The following MAPK8IP1 variants were observed in gnomAD, a reference collection of about 807,000 sequenced individuals.
The protein encoded by MAPK8IP1 is C-Jun-amino-terminal kinase-interacting protein 1.
MAPK8IP1 carries 17 observed loss-of-function variants against 72.6 expected under a neutral mutation model. The observed-to-expected ratio is 0.23, with a 90% confidence interval of 0.16 to 0.35. The LOEUF (loss-of-function observed/expected upper bound fraction) is 0.35. MAPK8IP1 is among the 10% of genes least tolerant of loss of function. The pLI, the probability that MAPK8IP1 is intolerant of heterozygous loss-of-function variation, is 1.00. For synonymous variants in MAPK8IP1, 401 were observed against 443.4 expected (o/e 0.90, Z 1.20); for missense variants, 789 against 1,009.7 (o/e 0.78, Z 2.96).
intron 1 of MAPK8IP1, among the ~76,000 whole-genome samples, chr11:45,893,983 C>T (rs1313241080): frequency 6.6e-6 from 1 of 152,124 alleles, no homozygotes; most frequent in Non-Finnish European, 1.5e-5. Context: ...GTGACTTGCA[C>T]AGGGTACTCT....
intron 1 of MAPK8IP1, among the ~76,000 whole-genome samples, chr11:45,894,505 G>C (rs2086589102): frequency 6.6e-6 from 1 of 152,088 alleles, no homozygotes; most frequent in African/African-American, 2.4e-5. Flanking sequence ...GAAGAATGCT[G>C]CTGTCCTTGC....
In MAPK8IP1 at chr11:45,900,459, C is replaced by T. The variant is rs2134674351; in HGVS notation, c.522+7C>T. On this transcript the variant is annotated splice_region_variant and intron_variant, in intron 3 of 11. Coordinates refer to ENST00000241014, the MANE Select transcript of MAPK8IP1 (RefSeq NM_005456.4). The surrounding 1 kb of genome is among the most constrained non-coding windows in gnomAD (Gnocchi z 6.5). ...GCAGGTGCCGCGGTCTCAGGTGAGG[C>T]GCCAACGTGGGGGGCGGCGCCCTGG... is the stretch of plus-strand genomic sequence containing the variant. 3.3e-6 allele frequency: 5 copies of T among 1,531,304 alleles called. No individual in the cohort carries two copies. The South Asian group carries it at 6.0e-5, about 18-fold the overall frequency. 94.9% of individuals were successfully genotyped at this position (1,531,304 alleles called of 1,614,324 possible).
In MAPK8IP1 at chr11:45,904,407, C is replaced by T. The variant is rs1341562889; in HGVS notation, c.1667-48C>T. ...CACCCTCCTTCACTTGGCTGCTCAG[C>T]TCCCTCCTGCTCTTTCTGCCCCTCC... On this transcript the variant is annotated intron_variant, in intron 7 of 11. Coordinates refer to ENST00000241014, the MANE Select transcript of MAPK8IP1 (RefSeq NM_005456.4). This position sits in a 1 kb window ranked among gnomAD's most constrained non-coding sequence, Gnocchi z 6.4. 6.7e-7 allele frequency: 1 copy of T among 1,502,578 alleles called. No individual in the cohort carries two copies. Among genetic ancestry groups the T allele is most frequent in the South Asian group, 1.1e-5 (1 of 87,842 alleles). 93.1% of individuals were successfully genotyped at this position (1,502,578 alleles called of 1,614,324 possible).
At chr11:45,896,712 T>C in intron 1 of MAPK8IP1, 1 of 1,438,016 alleles carries the variant, frequency 7.0e-7, no homozygotes, top group South Asian at 1.5e-5. Context: ...CCTGTCTATT[T>C]TTAATGAGCT....
chr11:45,886,060 C>A, intron 1 of MAPK8IP1, 139 bp downstream of exon 1: 1 of 477,738 alleles, frequency 2.1e-6, no homozygotes, highest in Non-Finnish European at 3.5e-6. Flanking sequence ...CTTCCCGGGA[C>A]AGAGCCCCCC....
rs2086638389 is a variant in MAPK8IP1 at position 45,900,100 on chromosome 11, C to T, written c.208-38C>T. ...GGTGCAAGCGGCCTCGGCCCCGCCC[C>T]GGCCCCGCCCCCTGACGCCCCTCCG... On this transcript the variant is annotated intron_variant, in intron 2 of 11. Coordinates refer to ENST00000241014, the MANE Select transcript of MAPK8IP1 (RefSeq NM_005456.4). The surrounding 1 kb of genome is among the most constrained non-coding windows in gnomAD (Gnocchi z 6.5). 2.6e-5 allele frequency: 31 copies of T among 1,175,626 alleles called. No homozygotes were observed. The highest frequency in any genetic ancestry group is 3.2e-5 in the Non-Finnish European group (30 of 949,116). The allele number at this position is 1,175,626 out of a possible 1,614,324, so 72.8% of individuals were successfully genotyped here.
At chr11:45,885,989 CG>C in intron 1 of MAPK8IP1, 68 bp downstream of exon 1, 1 of 888,608 alleles carries the variant, frequency 1.1e-6, no homozygotes, top group Non-Finnish European at 1.5e-6. Flanking sequence ...CTGCCCTGCC[CG>C]CCCCCCACCC....
chr11:45,892,902 A>C (rs2086577647), intron 1 of MAPK8IP1, among the ~76,000 whole-genome samples: 1 of 152,226 alleles, frequency 6.6e-6, no homozygotes, highest in Non-Finnish European at 1.5e-5. Flanking sequence ...GAACCCACTT[A>C]GGGTTGAGCG....
rs570883680 is a variant in MAPK8IP1 at position 45,903,913 on chromosome 11, G to A, written c.1494-76G>A. On this transcript the variant is annotated intron_variant, in intron 6 of 11. Transcript: ENST00000241014. The surrounding 1 kb of genome is among the most constrained non-coding windows in gnomAD (Gnocchi z 6.4). The stretch of plus-strand genomic sequence containing the variant: ...TTTACTGAAATAACGATGCTGCTGT[G>A]GCTCCCAGACCCCAGAGTAGGCCTG... 39 of 1,344,850 alleles carry A rather than the reference G, an allele frequency of 2.9e-5. No homozygotes were observed. The highest frequency in any genetic ancestry group is 2.5e-4 in the Middle Eastern group (1 of 3,994). 83.3% of individuals were successfully genotyped at this position (1,344,850 alleles called of 1,614,324 possible).
intron 2 of MAPK8IP1, among the ~76,000 whole-genome samples, 188 bp from the exon 3 acceptor site, chr11:45,899,950 G>C (rs1356773834): frequency 6.6e-6 from 1 of 152,150 alleles, no homozygotes; most frequent in Non-Finnish European, 1.5e-5. Context: ...GGCTGGATCG[G>C]GGAGGCGGCG....
Position 45,902,664 on chromosome 11 carries a change from C to T in MAPK8IP1, c.897C>T (p.Phe299=), listed in dbSNP as rs768577939. ...PPDAAEPTSA[F]LPPTESRMSV... is the part of the protein sequence containing the mutation. ...ACGCTGCAGAGCCCACCTCCGCCTT[C>T]CTGCCGCCCACTGAGAGCCGGATGT... Residue 299 remains phenylalanine (F), a synonymous_variant, in exon 5 of 12, where the codon TTC becomes TTT. Coordinates refer to ENST00000241014, the MANE Select transcript of MAPK8IP1 (RefSeq NM_005456.4). The surrounding 1 kb of genome is among the most constrained non-coding windows in gnomAD (Gnocchi z 9.3). The T allele has an allele frequency of 4.3e-6, 7 of 1,612,426 alleles. No homozygotes were observed. The African/African-American group carries it at 8.0e-5, about 18-fold the overall frequency.
Position 45,885,941 on chromosome 11 carries a change from G to T in MAPK8IP1, c.101+20G>T. Reference sequence around the variant, plus strand: ...TTTCAGGTGAGAGTCCCCGGCCGCCGCGCGCCTCGCCCTTCAGCGGGGACT... The same window carrying T: ...TTTCAGGTGAGAGTCCCCGGCCGCCTCGCGCCTCGCCCTTCAGCGGGGACT... On this transcript the variant is annotated intron_variant, in intron 1 of 11. Transcript: ENST00000241014. 6.9e-7 allele frequency: 1 copy of T among 1,444,674 alleles called. No homozygotes were observed. The highest frequency in any genetic ancestry group is 9.2e-7 in the Non-Finnish European group (1 of 1,087,964). The allele number at this position is 1,444,674 out of a possible 1,614,324, so 89.5% of individuals were successfully genotyped here.
chr11:45,901,904 G>C, intron 3 of MAPK8IP1, 76 bp from the exon 4 acceptor site: 2 of 1,114,882 alleles, frequency 1.8e-6, no homozygotes, highest in Non-Finnish European at 2.8e-6. Context: ...ATGGCCTGAG[G>C]GGGCAGGGCC....
chr11:45,889,989 G>T (rs564257962), intron 1 of MAPK8IP1, among the ~76,000 whole-genome samples: 1 of 152,176 alleles, frequency 6.6e-6, no homozygotes, highest in Admixed American at 6.5e-5. Flanking sequence ...TGGGCTGGTC[G>T]GTGTGATGAT....
rs2134676402 is a variant in MAPK8IP1 at position 45,902,650 on chromosome 11, C to A, written c.883C>A (p.Pro295Thr). Residue 295 changes from proline to threonine, a missense_variant, in exon 5 of 12, where the codon CCC becomes ACC. Coordinates refer to ENST00000241014, the MANE Select transcript of MAPK8IP1 (RefSeq NM_005456.4). This position sits in a 1 kb window ranked among gnomAD's most constrained non-coding sequence, Gnocchi z 9.3. ...PVQRPPDAAE[P>T]TSAFLPPTES... The stretch of plus-strand genomic sequence containing the variant: ...GCAGAGGCCCCCAGACGCTGCAGAG[C>A]CCACCTCCGCCTTCCTGCCGCCCAC... The A allele has an allele frequency of 6.2e-7, 1 of 1,612,784 alleles. No individual in the cohort carries two copies. Among genetic ancestry groups the A allele is most frequent in the East Asian group, 2.2e-5 (1 of 44,868 alleles).
Position 45,885,824 on chromosome 11 carries a change from G to A in MAPK8IP1, c.4G>A (p.Ala2Thr). 7.0e-7 allele frequency: 1 copy of A among 1,428,808 alleles called. No homozygotes were observed. The highest frequency in any genetic ancestry group is 2.2e-4 in the Middle Eastern group (1 of 4,590). 88.5% of individuals were successfully genotyped at this position (1,428,808 alleles called of 1,614,324 possible). The change falls in exon 1 of 12, where the codon GCG becomes ACG. Residue 2 changes from alanine (A) to threonine (T), a missense_variant. Transcript: ENST00000241014. Reference sequence around the variant, plus strand: ...ATGGCCAGGGCTGTGCCCGAGAATGGCGGAGCGAGAAAGCGGCGGCCTGGG... The same window carrying A: ...ATGGCCAGGGCTGTGCCCGAGAATGACGGAGCGAGAAAGCGGCGGCCTGGG... M[A>T]ERESGGLGGG...
rs148780807 is a variant in MAPK8IP1, at chr11:45,889,652, C to A, written c.101+3731C>A. ...GAAGGGGAATCGTGGATCTGAGAGA[C>A]CTTAGAGACCAGCTCGTCCAACCAG... On this transcript the variant is annotated intron_variant, in intron 1 of 11. Transcript: ENST00000241014. Among the ~76,000 whole-genome samples, 680 of 151,998 alleles carry A rather than the reference C, an allele frequency of 4.5e-3. 9 individuals are homozygous for A. Among genetic ancestry groups the A allele is most frequent in the African/African-American group, 0.016 (669 of 41,426 alleles).
At chr11:45,905,526 C>A in intron 11 of MAPK8IP1, 123 bp from the exon 12 acceptor site, 1 of 913,666 alleles carries the variant, frequency 1.1e-6, no homozygotes, top group Non-Finnish European at 1.8e-6. Flanking sequence ...CCAAGTGGCC[C>A]CAGCCAGAGG....
intron 1 of MAPK8IP1, chr11:45,896,863 G>A: frequency 6.5e-7 from 1 of 1,549,860 alleles, no homozygotes; most frequent in Non-Finnish European, 8.7e-7. Context: ...CAGCCCCCCG[G>A]CCGGGCAGGG....
Sources: gnomAD v4.1 joint callset for allele counts (sites outside exome capture counted in the v4.1 genomes callset) on GRCh38, gnomAD v4.1.1 for gene constraint, Gnocchi (gnomAD v3.1) non-coding constraint, MANE v1.5 for transcripts, NCBI Gene and HGNC (gene_info 2026-07-23, HGNC 2026-07-21) for gene names.